Variants in TRHDE observed in about 807,000 individuals in gnomAD.
TRHDE encodes thyrotropin releasing hormone degrading enzyme.
A neutral mutation model predicts 125.7 loss-of-function variants in TRHDE; 72 were observed. The ratio of observed to expected loss-of-function variants is 0.57; its 90% CI spans 0.47 to 0.70. The LOEUF (loss-of-function observed/expected upper bound fraction) is 0.70, where lower values mean the gene tolerates loss of function less well. TRHDE is among the 30% of genes least tolerant of loss of function. TRHDE has a pLI of 0.00. For missense variants in TRHDE, 1,110 were observed against 1,327.1 expected, an observed-to-expected ratio of 0.84 and a Z score of 2.54; for synonymous variants, 509 against 509.1, an observed-to-expected ratio of 1.00 and a Z score of 0.00.
chr12:72,331,443 G>C (rs1383562747), intron 2 of TRHDE, among the ~76,000 whole-genome samples: 1 of 77,606 alleles, frequency 1.3e-5, no homozygotes, highest in African/African-American at 3.7e-5. Flanking sequence ...ATTGTATCTT[G>C]ACAGAAAGAC....
At chr12:72,103,971 G>A (rs986301449) in intron 1 of TRHDE, among the ~76,000 whole-genome samples, 3 of 152,114 alleles carry the variant, frequency 2.0e-5, no homozygotes, top group African/African-American at 7.2e-5. Context: ...AGGTATAGGA[G>A]GCTGAAGAGG....
At chr12:72,377,332 A>G (rs1298706850) in intron 2 of TRHDE, among the ~76,000 whole-genome samples, 3 of 149,086 alleles carry the variant, frequency 2.0e-5, no homozygotes, top group African/African-American at 7.5e-5. Flanking sequence ...CAAGGACTAG[A>G]TAATATACAA....
intron 2 of TRHDE, among the ~76,000 whole-genome samples, chr12:72,165,056 C>T (rs943509023): frequency 6.6e-6 from 1 of 152,144 alleles, no homozygotes; most frequent in Non-Finnish European, 1.5e-5. Flanking sequence ...GGGCAGCTCA[C>T]TAAAAACTCA....
chr12:72,447,486 G>C (rs1234649389), intron 3 of TRHDE, among the ~76,000 whole-genome samples: 1 of 151,948 alleles, frequency 6.6e-6, no homozygotes, highest in Non-Finnish European at 1.5e-5. Flanking sequence ...GCCATTCCAG[G>C]GCAGTATTTT....
Position 72,316,040 on chromosome 12 carries a change from A to G in TRHDE, c.1188+29086A>G, listed in dbSNP as rs540709239. ...TTGATTCGCAAATTTTCATAGATTC[A>G]GAGGATGTTCTGCCAGCCGCCAGCA... On this transcript the variant is annotated intron_variant, in intron 2 of 18. Transcript: ENST00000261180. Among the ~76,000 whole-genome samples the G allele has an allele frequency of 2.6e-5, 4 of 152,224 alleles. No homozygotes were observed. In the South Asian group the frequency reaches 8.3e-4, roughly 32 times the overall value.
At chr12:72,305,232 T>C (rs969140616) in intron 2 of TRHDE, among the ~76,000 whole-genome samples, 1 of 152,180 alleles carries the variant, frequency 6.6e-6, no homozygotes, top group Admixed American at 6.5e-5. Context: ...GTTAGAAAGA[T>C]GACATTCCTA....
At chr12:72,182,887 C>A (rs548606295) in intron 2 of TRHDE, among the ~76,000 whole-genome samples, 1 of 152,146 alleles carries the variant, frequency 6.6e-6, no homozygotes, top group East Asian at 1.9e-4. Flanking sequence ...CTGGGGCTGG[C>A]GAGAGGCTTA....
At chr12:72,517,455 A>T (rs1209753229) in intron 6 of TRHDE, among the ~76,000 whole-genome samples, 3 of 151,850 alleles carry the variant, frequency 2.0e-5, no homozygotes, top group African/African-American at 4.8e-5. Context: ...GTATTCTCTG[A>T]TGGTAGTTTG....
intron 3 of TRHDE, among the ~76,000 whole-genome samples, chr12:72,448,981 G>A (rs944901794): frequency 1.3e-5 from 2 of 151,876 alleles, no homozygotes; most frequent in African/African-American, 4.8e-5. Context: ...CAGTCAGAGT[G>A]GAAATGAAAC....
At chr12:72,614,623 TGGC>T (rs1357802302) in intron 12 of TRHDE, among the ~76,000 whole-genome samples, 6 of 152,080 alleles carry the variant, frequency 3.9e-5, no homozygotes, top group African/African-American at 1.4e-4. Flanking sequence ...GACTATTTTT[TGGC>T]TTTAAATGAA....
chr12:72,667,559 A>C lies in TRHDE; in HGVS notation c.*4364A>C, dbSNP rs557511752. 1.3e-5 allele frequency: 2 copies of C among 151,874 alleles called. No individual in the cohort carries two copies. Among genetic ancestry groups the C allele is most frequent in the South Asian group, 4.1e-4 (2 of 4,824 alleles). The allele number at this position is 151,874 out of a possible 1,614,324, so 9.4% of individuals were successfully genotyped here. A position where few individuals can be genotyped will look rare whatever the true frequency, so the allele number is the denominator to read the frequency against. On this transcript the variant is annotated 3_prime_UTR_variant, in exon 19 of 19. Transcript: ENST00000261180. The stretch of plus-strand genomic sequence containing the variant: ...GAACTCATATTACAATAAATGAAAA[A>C]GAAAAAGAAATAATGAACCAAGGGA...
chr12:72,253,711 T>A (rs539911046), intron 2 of TRHDE: 16 of 152,304 alleles, frequency 1.1e-4, no homozygotes, highest in South Asian at 4.1e-4. Flanking sequence ...GTTGAAGTAA[T>A]TCCTATCCCT....
intron 12 of TRHDE, among the ~76,000 whole-genome samples, chr12:72,601,500 C>T (rs1872205641): frequency 6.6e-6 from 1 of 152,092 alleles, no homozygotes; most frequent in Admixed American, 6.5e-5. Context: ...AGGATTAACT[C>T]CAATTTTGAA....
chr12:72,502,344 T>A (rs1326753616), intron 6 of TRHDE, among the ~76,000 whole-genome samples: 1 of 152,142 alleles, frequency 6.6e-6, no homozygotes, highest in Non-Finnish European at 1.5e-5. Flanking sequence ...AATTTTGATA[T>A]GTTGAAGTTT....
chr12:72,237,668 G>A (rs1364524818), intron 2 of TRHDE, among the ~76,000 whole-genome samples: 1 of 152,126 alleles, frequency 6.6e-6, no homozygotes, highest in East Asian at 1.9e-4. Flanking sequence ...TGTAAAGAAG[G>A]TGCCTGCTTC....
chr12:72,262,053 T>C (rs1412903176), intron 2 of TRHDE, among the ~76,000 whole-genome samples: 3 of 152,192 alleles, frequency 2.0e-5, no homozygotes, highest in African/African-American at 7.2e-5. Context: ...GATCAGCAGC[T>C]GTCCATCCAT....
At chr12:72,541,685 A>G (rs183743013) in intron 6 of TRHDE, among the ~76,000 whole-genome samples, 1 of 151,560 alleles carries the variant, frequency 6.6e-6, no homozygotes, top group African/African-American at 2.4e-5. Context: ...GAACAGCCAT[A>G]TTAAATATAA....
rs369656905 is a variant in TRHDE at position 72,310,350 on chromosome 12, C to T, written c.1188+23396C>T. On this transcript the variant is annotated intron_variant, in intron 2 of 18. Coordinates refer to ENST00000261180, the MANE Select transcript of TRHDE (RefSeq NM_013381.3). ...CAAGTCTCCTGTCTAAATTCAGAGC[C>T]TTTGGCCTGTGCCTATGGGCAAGCC... Among the ~76,000 whole-genome samples the T allele has an allele frequency of 1.4e-4, 22 of 152,330 alleles. No individual in the cohort carries two copies. In the East Asian group the frequency reaches 3.5e-3, roughly 24 times the overall value.
chr12:72,238,415 T>C (rs1878406831), intron 2 of TRHDE, among the ~76,000 whole-genome samples: 1 of 144,796 alleles, frequency 6.9e-6, no homozygotes, highest in African/African-American at 2.6e-5. Flanking sequence ...AATTATACTT[T>C]AAGTTCTGGG....
Sources: allele counts gnomAD v4.1 joint callset (sites outside exome capture counted in the v4.1 genomes callset), GRCh38; gene constraint gnomAD v4.1.1; transcripts MANE v1.5; gene names NCBI Gene and HGNC (gene_info 2026-07-23, HGNC 2026-07-21).